Variants in ABR observed in about 807,000 individuals in gnomAD.
The protein encoded by ABR is active breakpoint cluster region-related protein.
Under a neutral mutation model 107.2 loss-of-function variants are expected in ABR, and 35 were observed. That is an observed-to-expected ratio of 0.33 (90% CI 0.25 to 0.43). ABR has a LOEUF of 0.43. Ranked by LOEUF, ABR falls within the 20% of genes least tolerant of loss-of-function variation. The pLI is 1.00. For missense variants in ABR, 815 were observed against 1,115.2 expected, an observed-to-expected ratio of 0.73 and a Z score of 3.83; for synonymous variants, 498 against 462.0, an observed-to-expected ratio of 1.08 and a Z score of -1.00.
Position 1,010,927 on chromosome 17 carries a change from C to T in ABR, c.2102-64G>A, listed in dbSNP as rs1418601387. On this transcript the variant is annotated intron_variant, in intron 19 of 22. Coordinates refer to ENST00000302538, the MANE Select transcript of ABR (RefSeq NM_021962.5). The surrounding 1 kb of genome is among the most constrained non-coding windows in gnomAD (Gnocchi z 4.1). Reference sequence around the variant, plus strand: ...GCCAGCAGCCCCGTTCCACCCCCGACCCATCCTGACACAGCCCCCACCCAC... The same window carrying T: ...GCCAGCAGCCCCGTTCCACCCCCGATCCATCCTGACACAGCCCCCACCCAC... The T allele has an allele frequency of 6.3e-6, 10 of 1,595,722 alleles. No individual in the cohort carries two copies. The highest frequency in any genetic ancestry group is 8.5e-6 in the Non-Finnish European group (10 of 1,172,718).
intron 2 of ABR, among the ~76,000 whole-genome samples, chr17:1,108,683 T>C (rs1206871198): frequency 6.6e-6 from 1 of 152,080 alleles, no homozygotes; most frequent in African/African-American, 2.4e-5. Flanking sequence ...GCGCGCCAGG[T>C]GACTCCTGGC....
chr17:1,031,736 G>A lies in ABR; in HGVS notation c.1791+18314C>T, dbSNP rs573808706. 138 of 1,238,378 alleles carry A rather than the reference G, an allele frequency of 1.1e-4. 2 individuals carry two copies. In the East Asian group the frequency reaches 3.8e-3, roughly 34 times the overall value. The allele number at this position is 1,238,378 out of a possible 1,614,324, so 76.7% of individuals were successfully genotyped here. A position where few individuals can be genotyped will look rare whatever the true frequency, so the allele number is the denominator to read the frequency against. The stretch of plus-strand genomic sequence containing the variant: ...TGCAGTCGGGCTGGGGCAGGACGTC[G>A]GTCATGCCGGGGGGGACGGGACGCG... On this transcript the variant is annotated intron_variant, in intron 16 of 22. Coordinates refer to ENST00000302538, the MANE Select transcript of ABR (RefSeq NM_021962.5).
chr17:1,194,496 C>T lies in ABR; in HGVS notation c.838+34297G>A, dbSNP rs1416228944. ...ACAGGTGTGAGACACTTCGCCCAGC[C>T]TTCTTTATTTTTTAGAGACAAGTCT... On this transcript the variant is annotated intron_variant, in intron 1 of 22. Transcript: ENST00000574139. Among the ~76,000 whole-genome samples the T allele has an allele frequency of 6.1e-5, 8 of 130,894 alleles. 1 individual carries two copies. The highest frequency in any genetic ancestry group is 1.8e-4 in the Admixed American group (2 of 10,966). 85.9% of individuals were successfully genotyped at this position (130,894 alleles called of 152,430 possible). A position where few individuals can be genotyped will look rare whatever the true frequency, so the allele number is the denominator to read the frequency against.
chr17:1,024,347 C>A (rs1005901042), intron 16 of ABR, among the ~76,000 whole-genome samples: 1 of 152,242 alleles, frequency 6.6e-6, no homozygotes, highest in Non-Finnish European at 1.5e-5. Context: ...GGCACGCAGC[C>A]CAACCCCAAC....
intron 1 of ABR, among the ~76,000 whole-genome samples, chr17:1,128,862 GTTT>G (rs2039706856): frequency 9.0e-6 from 1 of 110,920 alleles, no homozygotes; most frequent in African/African-American, 3.4e-5. Flanking sequence ...ACCTCGGGAC[GTTT>G]TCACAAGCTG....
chr17:1,116,741 G>A (rs1447058254), intron 2 of ABR, among the ~76,000 whole-genome samples: 1 of 151,904 alleles, frequency 6.6e-6, no homozygotes, highest in Non-Finnish European at 1.5e-5. Flanking sequence ...ACTAAACGGG[G>A]GCAGCCCCAT....
chr17:1,219,245 T>C (rs1255071479), intron 1 of ABR, among the ~76,000 whole-genome samples: 1 of 151,866 alleles, frequency 6.6e-6, no homozygotes, highest in Non-Finnish European at 1.5e-5. Context: ...GGTTTCACCA[T>C]GTTGACCAGG....
At chr17:1,194,486 T>G (rs372979985) in intron 1 of ABR, among the ~76,000 whole-genome samples, 1 of 104,336 alleles carries the variant, frequency 9.6e-6, no homozygotes, top group Non-Finnish European at 2.1e-5. Context: ...TGTGAGACAC[T>G]TCGCCCAGCC....
At chr17:1,012,468 A>G in intron 18 of ABR, 1 of 696,638 alleles carries the variant, frequency 1.4e-6, no homozygotes, top group Non-Finnish European at 2.6e-6. Context: ...GGATCTCACA[A>G]GAGACCTTCC....
chr17:1,038,608 A>T (rs1479800731), intron 16 of ABR, among the ~76,000 whole-genome samples: 2 of 152,172 alleles, frequency 1.3e-5, no homozygotes, highest in African/African-American at 4.8e-5. Context: ...CCAAAGCTAC[A>T]GGCTACACTG....
At chr17:1,104,277 G>A (rs1263655407) in intron 2 of ABR, among the ~76,000 whole-genome samples, 3 of 152,180 alleles carry the variant, frequency 2.0e-5, no homozygotes, top group Non-Finnish European at 2.9e-5. Flanking sequence ...AACCAAAGAC[G>A]TCAGGTCACT....
Position 1,062,621 on chromosome 17 carries a change from G to C in ABR, c.1183-3754C>G, listed in dbSNP as rs1192310177. ...TATGCATGTTCCTCTAGACACTGTT[G>C]TTATGTGAACTGAGGGCTATGCATG... On this transcript the variant is annotated intron_variant, in intron 10 of 22. Coordinates refer to ENST00000302538, the MANE Select transcript of ABR (RefSeq NM_021962.5). Among the ~76,000 whole-genome samples, 12 of 144,564 alleles carry C rather than the reference G, an allele frequency of 8.3e-5. No individual in the cohort carries two copies. The East Asian group carries it at 2.2e-3, about 27-fold the overall frequency. The allele number at this position is 144,564 out of a possible 152,430, so 94.8% of individuals were successfully genotyped here.
Position 1,079,971 on chromosome 17 carries a change from G to A in ABR, c.640-581C>T, listed in dbSNP as rs143634508. 1.6e-4 allele frequency among the ~76,000 whole-genome samples: 25 copies of A among 152,110 alleles called. No homozygotes were observed. In the East Asian group the frequency reaches 3.1e-3, roughly 19 times the overall value. On this transcript the variant is annotated intron_variant, in intron 5 of 22. Coordinates refer to ENST00000302538, the MANE Select transcript of ABR (RefSeq NM_021962.5). ...GGGACTCCAGGTCCCAGAGATGAGA[G>A]AGGCTGGCAGGGAGCCCTGTGATTA... is the stretch of plus-strand genomic sequence containing the variant.
In ABR at chr17:1,161,890, C is replaced by A. The variant is rs183868713; in HGVS notation, c.61+17777G>T. 4.6e-3 allele frequency among the ~76,000 whole-genome samples: 701 copies of A among 152,206 alleles called. 2 individuals are homozygous for A. The highest frequency in any genetic ancestry group is 0.024 in the Middle Eastern group (7 of 294). ...CCTTTTACAGCCGGGCCGAAGGCAC[C>A]TGTTAGGTCCTCTCCCACCCGCTAC... On this transcript the variant is annotated intron_variant, in intron 1 of 22. Transcript: ENST00000302538.
In ABR at chr17:1,010,691, C is replaced by A. The variant is rs747683708; in HGVS notation, c.2236+38G>T. 2.6e-5 allele frequency: 41 copies of A among 1,605,866 alleles called. No homozygotes were observed. The highest frequency in any genetic ancestry group is 3.4e-4 in the Middle Eastern group (2 of 5,936). ...TCCGGGCAGGGAGTCCTGGCTCAGT[C>A]TGGCCCAGCCCAGTCCTAGGAGCCC... On this transcript the variant is annotated intron_variant, in intron 20 of 22. Coordinates refer to ENST00000302538, the MANE Select transcript of ABR (RefSeq NM_021962.5). This position sits in a 1 kb window ranked among gnomAD's most constrained non-coding sequence, Gnocchi z 4.1.
intron 1 of ABR, among the ~76,000 whole-genome samples, chr17:1,225,341 G>A (rs546119342): frequency 6.6e-6 from 1 of 152,022 alleles, no homozygotes; most frequent in East Asian, 1.9e-4. Flanking sequence ...CAGAATGACT[G>A]GGGAGTGGGA....
intron 9 of ABR, among the ~76,000 whole-genome samples, chr17:1,069,211 A>G (rs2035010565): frequency 2.0e-5 from 3 of 152,198 alleles, no homozygotes; most frequent in African/African-American, 7.2e-5. Flanking sequence ...ACATTTAAAA[A>G]CAGGGAAGGA....
chr17:1,179,804 G>A lies in ABR; in HGVS notation c.-77C>T. 7.6e-7 allele frequency: 1 copy of A among 1,317,228 alleles called. No homozygotes were observed. The highest frequency in any genetic ancestry group is 9.9e-7 in the Non-Finnish European group (1 of 1,006,916). 81.6% of individuals were successfully genotyped at this position (1,317,228 alleles called of 1,614,324 possible). On this transcript the variant is annotated 5_prime_UTR_variant, in exon 1 of 23. Transcript: ENST00000302538. This position sits in a 1 kb window ranked among gnomAD's most constrained non-coding sequence, Gnocchi z 4.9. Reference sequence around the variant, plus strand: ...AAGGAGGGAGAGCGGGCGGGAGCCGGGGGAGGCCGAAGTTGCGAGCGCGGA... The same window carrying A: ...AAGGAGGGAGAGCGGGCGGGAGCCGAGGGAGGCCGAAGTTGCGAGCGCGGA...
In ABR at chr17:1,058,873, G is replaced by A. The variant is rs778444332; in HGVS notation, c.1183-6C>T. On this transcript the variant is annotated splice_region_variant and splice_polypyrimidine_tract_variant and intron_variant, in intron 10 of 22. Transcript: ENST00000302538. ...CTCTGGCCTTTGTTGGCTTTCTGCA[G>A]GAGATGGGGACACAGAGGGTTCCCC... 1.6e-5 allele frequency: 26 copies of A among 1,613,914 alleles called. No homozygotes were observed. The highest frequency in any genetic ancestry group is 2.1e-5 in the Non-Finnish European group (25 of 1,179,938).
Sources: gnomAD v4.1 joint callset for allele counts (sites outside exome capture counted in the v4.1 genomes callset) on GRCh38, gnomAD v4.1.1 for gene constraint, Gnocchi (gnomAD v3.1) non-coding constraint, MANE v1.5 for transcripts, NCBI Gene and HGNC (gene_info 2026-07-23, HGNC 2026-07-21) for gene names.